Variants in GALK2 observed in about 807,000 individuals in gnomAD.
GALK2 encodes N-acetylgalactosamine kinase.
A neutral mutation model predicts 52.4 loss-of-function variants in GALK2; 36 were observed. The observed-to-expected ratio is 0.69, with a 90% confidence interval of 0.53 to 0.91. GALK2 has a LOEUF of 0.91. GALK2 is among the 40% of genes least tolerant of loss of function. GALK2 has a pLI of 0.00. For synonymous variants in GALK2, 176 were observed against 199.1 expected, an observed-to-expected ratio of 0.88 and a Z score of 0.98; for missense variants, 579 against 559.1, an observed-to-expected ratio of 1.04 and a Z score of -0.36.
chr15:49,177,263 T>C (rs2141200452), intron 1 of GALK2, among the ~76,000 whole-genome samples: 1 of 152,260 alleles, frequency 6.6e-6, no homozygotes, highest in South Asian at 2.1e-4. Flanking sequence ...TTTGCTAGGT[T>C]CCTATGTTAT....
At chr15:49,307,574 T>C (rs1232185823) in intron 8 of GALK2, among the ~76,000 whole-genome samples, 1 of 152,162 alleles carries the variant, frequency 6.6e-6, no homozygotes, top group East Asian at 1.9e-4. Flanking sequence ...TGTCTTGTAA[T>C]GTGTATGACC....
chr15:49,352,876 A>G (rs1306069117), intron 3 of GALK2, among the ~76,000 whole-genome samples: 3 of 152,102 alleles, frequency 2.0e-5, no homozygotes, highest in African/African-American at 7.2e-5. Flanking sequence ...ATCCTCCTGG[A>G]ATTTCTTGGT....
chr15:49,164,650 G>A (rs368412171), intron 1 of GALK2, among the ~76,000 whole-genome samples: 1 of 151,512 alleles, frequency 6.6e-6, no homozygotes, highest in Non-Finnish European at 1.5e-5. Flanking sequence ...GCGTGGTGGC[G>A]CATGCCTGTA....
downstream of GALK2, among the ~76,000 whole-genome samples, chr15:49,332,444 T>C (rs2038966899): frequency 6.6e-6 from 1 of 152,194 alleles, no homozygotes; most frequent in Non-Finnish European, 1.5e-5. Flanking sequence ...AATCTCATGA[T>C]ATCTGTCACC....
chr15:49,264,646 G>A (rs914524782), intron 5 of GALK2, among the ~76,000 whole-genome samples: 19 of 152,182 alleles, frequency 1.2e-4, no homozygotes, highest in South Asian at 4.1e-4. Context: ...GAGGAGAGGC[G>A]CTCTGCTTTT....
At chr15:49,292,759 CA>C (rs1372977148) in intron 8 of GALK2, among the ~76,000 whole-genome samples, 2 of 152,154 alleles carry the variant, frequency 1.3e-5, no homozygotes, top group Non-Finnish European at 2.9e-5. Context: ...TCCTGTCTTC[CA>C]GGGGCTTATA....
intron 5 of GALK2, 94 bp downstream of exon 5, chr15:49,239,461 C>A: frequency 1.7e-6 from 2 of 1,200,406 alleles, no homozygotes; most frequent in Non-Finnish European, 2.4e-6. Flanking sequence ...GATTGAAAAA[C>A]TGTCTTCTCT....
rs1488924023 is a variant in GALK2 at position 49,211,001 on chromosome 15, A to ACACACACACG, written c.143-6184_143-6183insACACGCACAC. 4.0e-5 allele frequency among the ~76,000 whole-genome samples: 6 copies of ACACACACACG among 151,698 alleles called. No individual in the cohort carries two copies. The South Asian group carries it at 1.0e-3, about 26-fold the overall frequency. On this transcript the variant is annotated intron_variant, in intron 2 of 9. Transcript: ENST00000560031. ...CACACACACACACACACACACACAC[A>ACACACACACG]CACACGGCCTTTTCATTTCTACCAC...
intron 3 of GALK2, among the ~76,000 whole-genome samples, chr15:49,228,243 G>T (rs377017685): frequency 6.6e-6 from 1 of 152,100 alleles, no homozygotes; most frequent in Non-Finnish European, 1.5e-5. Context: ...TGAGCTTCCT[G>T]TATCAGAATA....
Position 49,329,872 on chromosome 15 carries a change from T to C in GALK2, c.*1713T>C, listed in dbSNP as rs1810208308. The C allele has an allele frequency of 1.7e-6, 1 of 604,014 alleles. No individual in the cohort carries two copies. 37.4% of individuals were successfully genotyped at this position (604,014 alleles called of 1,614,324 possible). A position where few individuals can be genotyped will look rare whatever the true frequency, so the allele number is the denominator to read the frequency against. On this transcript the variant is annotated 3_prime_UTR_variant, in exon 10 of 10. Transcript: ENST00000560031. ...TCCATTTACAATTTTCACCAGGTGA[T>C]TTCTTCTTCACAAAAGGTGAGTAAA...
intron 1 of GALK2, among the ~76,000 whole-genome samples, chr15:49,200,627 G>T (rs751192324): frequency 9.2e-5 from 14 of 152,128 alleles, no homozygotes; most frequent in Admixed American, 7.9e-4. Context: ...GTAGAAAGAG[G>T]CAGGGAAGAA....
chr15:49,157,885 C>T (rs1190157397), intron 1 of GALK2, among the ~76,000 whole-genome samples: 2 of 152,100 alleles, frequency 1.3e-5, no homozygotes, highest in African/African-American at 4.8e-5. Context: ...ACTATGTCCT[C>T]TTTGAGATTG....
intron 1 of GALK2, among the ~76,000 whole-genome samples, chr15:49,192,561 G>A (rs1378945586): frequency 7.1e-6 from 1 of 141,486 alleles, no homozygotes; most frequent in Non-Finnish European, 1.5e-5. Context: ...TTCTTAGATA[G>A]TGGATTGCTA....
At chr15:49,245,311 T>C (rs116262713) in intron 5 of GALK2, among the ~76,000 whole-genome samples, 266 of 152,288 alleles carry the variant, frequency 1.7e-3, no homozygotes, top group African/African-American at 6.0e-3. Flanking sequence ...ACACATTGCA[T>C]TGGGGATAGG....
chr15:49,344,980 T>A (rs1159977682), intron 3 of GALK2, among the ~76,000 whole-genome samples: 1 of 152,222 alleles, frequency 6.6e-6, no homozygotes, highest in Non-Finnish European at 1.5e-5. Context: ...AAAGTATAAA[T>A]GGTGTTGAGC....
intron 3 of GALK2, among the ~76,000 whole-genome samples, chr15:49,235,419 T>G (rs1034757934): frequency 1.3e-5 from 2 of 151,552 alleles, no homozygotes; most frequent in South Asian, 2.1e-4. Flanking sequence ...TGTTTATTTG[T>G]TTTTTTTTCT....
intron 3 of GALK2, among the ~76,000 whole-genome samples, chr15:49,351,708 C>G (rs2042272217): frequency 6.6e-6 from 1 of 152,076 alleles, no homozygotes; most frequent in African/African-American, 2.4e-5. Flanking sequence ...ATTGGACAGA[C>G]AGAAAAGTTG....
chr15:49,258,648 A>G (rs915810793), intron 5 of GALK2, among the ~76,000 whole-genome samples: 5 of 152,050 alleles, frequency 3.3e-5, no homozygotes, highest in African/African-American at 9.7e-5. Context: ...GAGGCCAGGA[A>G]AAGTTCCCCA....
chr15:49,289,906 GC>G (rs2033766337), intron 7 of GALK2, among the ~76,000 whole-genome samples: 1 of 152,152 alleles, frequency 6.6e-6, no homozygotes, highest in African/African-American at 2.4e-5. Flanking sequence ...CTTGTTGCCT[GC>G]TTTTTTGTCC....
Sources: gnomAD v4.1 joint callset for allele counts (sites outside exome capture counted in the v4.1 genomes callset) on GRCh38, gnomAD v4.1.1 for gene constraint, MANE v1.5 for transcripts, NCBI Gene and HGNC (gene_info 2026-07-23, HGNC 2026-07-21) for gene names.